MARCHF3: variants seen among roughly 807,000 people sequenced by gnomAD.
MARCHF3 encodes E3 ubiquitin-protein ligase MARCHF3.
MARCHF3 carries 13 observed loss-of-function variants against 24.2 expected under a neutral mutation model. The ratio of observed to expected loss-of-function variants is 0.54; its 90% CI spans 0.35 to 0.85. MARCHF3 has a LOEUF of 0.85. Ranked by LOEUF, MARCHF3 falls within the 40% of genes least tolerant of loss-of-function variation. The pLI, the probability that MARCHF3 is intolerant of heterozygous loss-of-function variation, is 0.01. For synonymous variants in MARCHF3, 144 were observed against 137.3 expected (o/e 1.05, Z -0.34); for missense variants, 276 against 325.0 (o/e 0.85, Z 1.16).
intron 1 of MARCHF3, among the ~76,000 whole-genome samples, chr5:127,025,017 C>A (rs1009870673): frequency 2.0e-5 from 3 of 152,052 alleles, no homozygotes; most frequent in Non-Finnish European, 4.4e-5. Flanking sequence ...CAACAGTGAG[C>A]AATAAATACA....
chr5:126,883,888 T>C (rs1458451366), intron 3 of MARCHF3, among the ~76,000 whole-genome samples: 1 of 152,090 alleles, frequency 6.6e-6, no homozygotes, highest in Non-Finnish European at 1.5e-5. Flanking sequence ...ATCTCCTTAA[T>C]GAGAAACCAT....
intron 4 of MARCHF3, among the ~76,000 whole-genome samples, chr5:126,874,729 C>T (rs958660929): frequency 6.6e-6 from 1 of 152,162 alleles, no homozygotes; most frequent in Non-Finnish European, 1.5e-5. Flanking sequence ...GCAATGTGCC[C>T]AGCTCACCTA....
At chr5:127,007,143 G>A (rs188849104) in intron 1 of MARCHF3, among the ~76,000 whole-genome samples, 217 of 152,116 alleles carry the variant, frequency 1.4e-3, no homozygotes, top group African/African-American at 5.0e-3. Context: ...CAAGCCTTTT[G>A]TCTCCATGAT....
In MARCHF3 at chr5:126,950,807, A is replaced by G. The variant is rs189934445; in HGVS notation, c.-56-32580T>C. ...CTCATTTTTCTTCTCCCCTTACAGC[A>G]AATCTCCCTGAAATAGAAGGCTTTT... On this transcript the variant is annotated intron_variant, in intron 1 of 4. Coordinates refer to ENST00000308660, the MANE Select transcript of MARCHF3 (RefSeq NM_178450.5). 6.6e-5 allele frequency among the ~76,000 whole-genome samples: 10 copies of G among 152,314 alleles called. No individual in the cohort carries two copies. In the East Asian group the frequency reaches 1.9e-3, roughly 29 times the overall value.
At chr5:126,894,928 C>A (rs201006736) in intron 3 of MARCHF3, among the ~76,000 whole-genome samples, 6 of 151,990 alleles carry the variant, frequency 3.9e-5, no homozygotes, top group Non-Finnish European at 8.8e-5. Context: ...TCCATTCTCC[C>A]CATCACTTTC....
chr5:126,965,456 A>G (rs1750774337), intron 1 of MARCHF3, among the ~76,000 whole-genome samples: 1 of 152,224 alleles, frequency 6.6e-6, no homozygotes, highest in Non-Finnish European at 1.5e-5. Context: ...ACTCAATCAC[A>G]TTCATTGCCT....
intron 3 of MARCHF3, among the ~76,000 whole-genome samples, chr5:126,883,367 G>C (rs893153020): frequency 2.6e-5 from 4 of 152,188 alleles, no homozygotes; most frequent in Non-Finnish European, 4.4e-5. Flanking sequence ...ATGCAGTACA[G>C]AGATCATGCT....
At chr5:126,907,920 G>A (rs2126787479) in intron 3 of MARCHF3, among the ~76,000 whole-genome samples, 1 of 151,942 alleles carries the variant, frequency 6.6e-6, no homozygotes, top group Non-Finnish European at 1.5e-5. Context: ...TAGTCTCGAT[G>A]GTCTTTACAT....
intron 1 of MARCHF3, among the ~76,000 whole-genome samples, chr5:127,000,807 C>T (rs1181151849): frequency 3.3e-5 from 5 of 151,744 alleles, no homozygotes; most frequent in Admixed American, 6.6e-5. Context: ...GCTGGGACTA[C>T]AGGCGCCCGC....
At chr5:126,938,206 C>T (rs1029286627) in intron 1 of MARCHF3, among the ~76,000 whole-genome samples, 7 of 147,804 alleles carry the variant, frequency 4.7e-5, no homozygotes, top group South Asian at 2.2e-4. Context: ...CTTGCTCTGC[C>T]GCCCAGGCTG....
chr5:127,016,812 T>G (rs889970624), intron 1 of MARCHF3, among the ~76,000 whole-genome samples: 3 of 152,166 alleles, frequency 2.0e-5, no homozygotes, highest in African/African-American at 7.2e-5. Flanking sequence ...AACACCTATA[T>G]GTATTGCGGC....
At chr5:126,951,998 C>A (rs559076784) in intron 1 of MARCHF3, among the ~76,000 whole-genome samples, 1 of 152,158 alleles carries the variant, frequency 6.6e-6, no homozygotes, top group Non-Finnish European at 1.5e-5. Flanking sequence ...AGGCGCCCAC[C>A]ACCACGCCCA....
chr5:127,023,794 A>G (rs1349911929), intron 1 of MARCHF3, among the ~76,000 whole-genome samples: 1 of 151,692 alleles, frequency 6.6e-6, no homozygotes, highest in East Asian at 1.9e-4. Context: ...AAAAAATAAA[A>G]AAAGGTTCCC....
intron 1 of MARCHF3, among the ~76,000 whole-genome samples, chr5:126,925,121 T>G (rs1749249871): frequency 6.6e-6 from 1 of 152,186 alleles, no homozygotes; most frequent in African/African-American, 2.4e-5. Context: ...AGGGCACAGT[T>G]AAGCAGTAAG....
At chr5:126,904,423 CCCA>C (rs1474780703) in intron 3 of MARCHF3, among the ~76,000 whole-genome samples, 1 of 147,562 alleles carries the variant, frequency 6.8e-6, no homozygotes, top group Non-Finnish European at 1.5e-5. Context: ...AGTTTACAGT[CCCA>C]CCAACAGTGT....
chr5:126,994,821 C>CTCAAAAGTAGGGAAG (rs1248791135), intron 1 of MARCHF3, among the ~76,000 whole-genome samples: 6 of 152,234 alleles, frequency 3.9e-5, no homozygotes, highest in Admixed American at 2.0e-4. Flanking sequence ...GTCCCAAAAC[C>CTCAAAAGTAGGGAAG]TCAAAAGTAG....
intron 3 of MARCHF3, among the ~76,000 whole-genome samples, chr5:126,900,924 A>G (rs1017641573): frequency 6.6e-6 from 1 of 151,974 alleles, no homozygotes; most frequent in East Asian, 1.9e-4. Context: ...CTGGTCTCGA[A>G]CTTCTGATCT....
intron 1 of MARCHF3, among the ~76,000 whole-genome samples, chr5:126,987,230 A>G (rs1389379383): frequency 1.3e-5 from 2 of 152,250 alleles, no homozygotes; most frequent in South Asian, 2.1e-4. Context: ...GTTTCAGTCA[A>G]ACAAGATGAA....
intron 3 of MARCHF3, among the ~76,000 whole-genome samples, chr5:126,900,360 T>A (rs1210620906): frequency 6.6e-6 from 1 of 152,022 alleles, no homozygotes; most frequent in Non-Finnish European, 1.5e-5. Flanking sequence ...TATTAGGAAG[T>A]GGGGCCTTTG....
Sources: allele counts gnomAD v4.1 joint callset (sites outside exome capture counted in the v4.1 genomes callset), GRCh38; gene constraint gnomAD v4.1.1; transcripts MANE v1.5; gene names NCBI Gene and HGNC (gene_info 2026-07-23, HGNC 2026-07-21).